LAMC3: variants seen among roughly 807,000 people sequenced by gnomAD.
LAMC3 encodes the protein laminin subunit gamma 3, also known as laminin subunit gamma-3.
LAMC3 carries 128 observed loss-of-function variants against 173.8 expected under a neutral mutation model. That is an observed-to-expected ratio of 0.74 (90% CI 0.64 to 0.85). The LOEUF is 0.85. Ranked by LOEUF, LAMC3 falls within the 40% of genes least tolerant of loss-of-function variation. The pLI is 0.00. For missense variants in LAMC3, 2,022 were observed against 2,156.0 expected, an observed-to-expected ratio of 0.94 and a Z score of 1.23; for synonymous variants, 897 against 909.1, an observed-to-expected ratio of 0.99 and a Z score of 0.24.
At chr9:131,051,136 A>G (rs1393242886) in intron 9 of LAMC3, among the ~76,000 whole-genome samples, 1 of 152,140 alleles carries the variant, frequency 6.6e-6, no homozygotes, top group Non-Finnish European at 1.5e-5. Flanking sequence ...GGGGCGCGCT[A>G]CAGAATTTGA....
chr9:131,046,899 G>A (rs1282260394), intron 8 of LAMC3, among the ~76,000 whole-genome samples: 2 of 152,106 alleles, frequency 1.3e-5, no homozygotes, highest in African/African-American at 2.4e-5. Context: ...AGACATGAGG[G>A]CCGCGCGCCC....
chr9:131,091,613 G>A lies in LAMC3; in HGVS notation c.4554G>A (p.Gln1518=). ...TQWALERLRL[Q]LGSPGSLQRK... is the part of the protein sequence containing the mutation. ...GGGCACTAGAACGCCTGAGGCTGCAGCTGGGCTCCCCGGGGTCCTTGCAGA... is the reference window on the plus strand; with the variant it reads ...GGGCACTAGAACGCCTGAGGCTGCAACTGGGCTCCCCGGGGTCCTTGCAGA... The change falls in exon 28 of 28, where the codon CAG becomes CAA. Residue 1518 remains glutamine, a synonymous_variant. Transcript: ENST00000361069. 1.3e-6 allele frequency: 2 copies of A among 1,595,378 alleles called. No homozygotes were observed. The highest frequency in any genetic ancestry group is 1.7e-6 in the Non-Finnish European group (2 of 1,171,302).
chr9:131,057,032 C>T lies in LAMC3; in HGVS notation c.2043C>T (p.Gly681=). Residue 681 remains glycine (G), a synonymous_variant, in exon 12 of 28, where the codon GGC becomes GGT. Coordinates refer to ENST00000361069, the MANE Select transcript of LAMC3 (RefSeq NM_006059.4). ...EICSCPTGYT[G]QFCESCAPGY... is the part of the protein sequence containing the mutation. ...GTTCATGTCCCACTGGCTACACGGGCCAGTTCTGTGAATCCTGTGCTCCGG... is the reference window on the plus strand; with the variant it reads ...GTTCATGTCCCACTGGCTACACGGGTCAGTTCTGTGAATCCTGTGCTCCGG... 1.9e-6 allele frequency: 3 copies of T among 1,614,140 alleles called. No homozygotes were observed. The highest frequency in any genetic ancestry group is 2.5e-6 in the Non-Finnish European group (3 of 1,180,028).
chr9:131,044,883 G>A (rs1259407977), intron 7 of LAMC3, among the ~76,000 whole-genome samples: 1 of 152,184 alleles, frequency 6.6e-6, no homozygotes, highest in Non-Finnish European at 1.5e-5. Context: ...TGTCCTGGAT[G>A]GGATCCTGCA....
chr9:131,072,005 A>T (rs1158036163), intron 18 of LAMC3, among the ~76,000 whole-genome samples: 1 of 152,112 alleles, frequency 6.6e-6, no homozygotes, highest in Non-Finnish European at 1.5e-5. Context: ...ATAAGACAAA[A>T]GAAGGAGGGC....
At chr9:131,032,699 G>A (rs62580144) in intron 3 of LAMC3, among the ~76,000 whole-genome samples, 2,021 of 150,792 alleles carry the variant, frequency 0.013, 13 homozygotes, top group South Asian at 0.024. Flanking sequence ...AAGGAGTTTC[G>A]CTCTTGTTGC....
chr9:131,026,157 A>G lies in LAMC3; in HGVS notation c.374-128A>G, dbSNP rs1833711054. 12 of 1,537,628 alleles carry G rather than the reference A, an allele frequency of 7.8e-6. No individual in the cohort carries two copies. In the Admixed American group the frequency reaches 1.2e-4, roughly 15 times the overall value. On this transcript the variant is annotated intron_variant, in intron 1 of 27. Coordinates refer to ENST00000361069, the MANE Select transcript of LAMC3 (RefSeq NM_006059.4). This position sits in a 1 kb window ranked among gnomAD's most constrained non-coding sequence, Gnocchi z 4.8. ...GAATGGAGGGTGGCTTCCCCTGTCC[A>G]GAGCTCCAGACAGCTTCCAGCGATC...
chr9:131,091,500 G>A lies in LAMC3; in HGVS notation c.4478-37G>A, dbSNP rs770773263. ...GAGGTGCCCTGGGGCCTGCAGGGCTGCTGGCTCACAGTGAGGCTGTTTGTG... is the reference window on the plus strand; with the variant it reads ...GAGGTGCCCTGGGGCCTGCAGGGCTACTGGCTCACAGTGAGGCTGTTTGTG... On this transcript the variant is annotated intron_variant, in intron 27 of 27. Transcript: ENST00000361069. The A allele has an allele frequency of 7.1e-6, 11 of 1,559,406 alleles. No homozygotes were observed. In the South Asian group the frequency reaches 1.3e-4, roughly 18 times the overall value.
In LAMC3 at chr9:131,061,012, G is replaced by T. The variant is rs780596064; in HGVS notation, c.2159-23G>T. The T allele has an allele frequency of 3.1e-6, 5 of 1,612,872 alleles. No individual in the cohort carries two copies. The Admixed American group carries it at 5.0e-5, about 16-fold the overall frequency. On this transcript the variant is annotated intron_variant, in intron 12 of 27. Coordinates refer to ENST00000361069, the MANE Select transcript of LAMC3 (RefSeq NM_006059.4). ...TCTCTGGGCATTCTGGGTTCAGACA[G>T]TGGTGCTTGTCTTGCCCCTCAGGGA...
At chr9:131,042,940 A>G (rs1273380839) in intron 7 of LAMC3, among the ~76,000 whole-genome samples, 1 of 143,656 alleles carries the variant, frequency 7.0e-6, no homozygotes, top group Non-Finnish European at 1.5e-5. Context: ...CTTTCACACC[A>G]TGGCAGACAT....
chr9:131,010,354 A>G (rs1200271064), intron 1 of LAMC3, among the ~76,000 whole-genome samples: 5 of 150,844 alleles, frequency 3.3e-5, no homozygotes, highest in Non-Finnish European at 5.9e-5. Context: ...AAAAAAGAAG[A>G]AAAAAAAACA....
At chr9:131,039,464 G>A (rs1010696368) in intron 6 of LAMC3, among the ~76,000 whole-genome samples, 6 of 152,076 alleles carry the variant, frequency 3.9e-5, no homozygotes, top group African/African-American at 9.7e-5. Context: ...GAAGCTCAGC[G>A]GATCTTGCAG....
At chr9:131,070,963 C>T (rs1301702528) in intron 17 of LAMC3, among the ~76,000 whole-genome samples, 1 of 152,108 alleles carries the variant, frequency 6.6e-6, no homozygotes, top group Admixed American at 6.5e-5. Flanking sequence ...AGGACAGGGC[C>T]CAGGACCTGT....
chr9:131,048,924 T>C (rs1834227559), intron 8 of LAMC3, 96 bp from the exon 9 acceptor site: 1 of 680,748 alleles, frequency 1.5e-6, no homozygotes, highest in Middle Eastern at 4.1e-4. Flanking sequence ...CTCCTGGGGC[T>C]CCCTCCTACC....
chr9:131,045,680 A>G lies in LAMC3; in HGVS notation c.1519+20A>G. 1 of 1,613,680 alleles carries G rather than the reference A, an allele frequency of 6.2e-7. No individual in the cohort carries two copies. The highest frequency in any genetic ancestry group is 8.5e-7 in the Non-Finnish European group (1 of 1,179,918). On this transcript the variant is annotated intron_variant, in intron 8 of 27. Transcript: ENST00000361069. Reference sequence around the variant, plus strand: ...ACCAGGGTAAGAGATGCTCCCTGCAAACGCCTCCCAAGGGTCTGCTCCCAG... The same window carrying G: ...ACCAGGGTAAGAGATGCTCCCTGCAGACGCCTCCCAAGGGTCTGCTCCCAG...
At chr9:131,075,163 A>G (rs1319972041) in intron 20 of LAMC3, among the ~76,000 whole-genome samples, 1 of 151,938 alleles carries the variant, frequency 6.6e-6, no homozygotes, top group East Asian at 1.9e-4. Context: ...AGCTACTTGG[A>G]AGGCTGAGGC....
At chr9:131,025,075 A>C (rs1341572002) in intron 1 of LAMC3, among the ~76,000 whole-genome samples, 1 of 152,020 alleles carries the variant, frequency 6.6e-6, no homozygotes, top group African/African-American at 2.4e-5. Context: ...TTATTATTGA[A>C]ATCATACCCG....
At chr9:131,084,194 C>A (rs1046174256) in intron 24 of LAMC3, among the ~76,000 whole-genome samples, 1 of 151,828 alleles carries the variant, frequency 6.6e-6, no homozygotes, top group Non-Finnish European at 1.5e-5. Flanking sequence ...GTATTCAGTT[C>A]TTTTGATGAT....
rs1367351998 is a variant in LAMC3 at position 131,091,850 on chromosome 9, C to T, written c.*63C>T. 6.3e-6 allele frequency: 10 copies of T among 1,587,058 alleles called. No homozygotes were observed. The highest frequency in any genetic ancestry group is 8.6e-6 in the Non-Finnish European group (10 of 1,167,680). On this transcript the variant is annotated 3_prime_UTR_variant, in exon 28 of 28. Transcript: ENST00000361069. The stretch of plus-strand genomic sequence containing the variant: ...CTGTTTACATGACCCAGGGGGTGCA[C>T]ACTACCCCACAGGTGTGCCCATACA...
Sources: allele counts gnomAD v4.1 joint callset (sites outside exome capture counted in the v4.1 genomes callset), GRCh38; gene constraint gnomAD v4.1.1; non-coding constraint Gnocchi (gnomAD v3.1); transcripts MANE v1.5; gene names NCBI Gene and HGNC (gene_info 2026-07-23, HGNC 2026-07-21).